The following CBX1 variants were observed in gnomAD, a reference collection of about 807,000 sequenced individuals.
The protein encoded by CBX1 is chromobox protein homolog 1.
Under a neutral mutation model 25.1 loss-of-function variants are expected in CBX1, and 10 were observed. The ratio of observed to expected loss-of-function variants is 0.40; its 90% confidence interval spans 0.25 to 0.68. The LOEUF is 0.68. Ranked by LOEUF, CBX1 falls within the 30% of genes least tolerant of loss-of-function variation. The pLI is 0.40. For missense variants in CBX1, 106 were observed against 218.5 expected, an observed-to-expected ratio of 0.49 and a Z score of 3.25; for synonymous variants, 63 against 79.4, an observed-to-expected ratio of 0.79 and a Z score of 1.10.
Position 48,076,197 on chromosome 17 carries a change from G to A in CBX1, c.141-19C>T, listed in dbSNP as rs2037673206. ...GTCCTCACTGAAACCAGAGGGCACA[G>A]CAAGTCACACTTTCACTCAAATAAG... On this transcript the variant is annotated intron_variant, in intron 2 of 4. Coordinates refer to ENST00000225603, the MANE Select transcript of CBX1 (RefSeq NM_001127228.2). 2 of 1,521,534 alleles carry A rather than the reference G, an allele frequency of 1.3e-6. No homozygotes were observed. The highest frequency in any genetic ancestry group is 1.8e-5 in the Admixed American group (1 of 54,314). The allele number at this position is 1,521,534 out of a possible 1,614,324, so 94.3% of individuals were successfully genotyped here. A position where few individuals can be genotyped will look rare whatever the true frequency, so the allele number is the denominator to read the frequency against.
At chr17:48,077,669 T>C (rs1244903964) in intron 1 of CBX1, among the ~76,000 whole-genome samples, 2 of 152,016 alleles carry the variant, frequency 1.3e-5, no homozygotes. Flanking sequence ...AGGCTCCCAA[T>C]ACTCCTTTTA....
At chr17:48,100,660 C>A in intron 1 of CBX1, 1 of 905,952 alleles carries the variant, frequency 1.1e-6, no homozygotes, top group South Asian at 5.1e-5. Flanking sequence ...ACAGCTCCTC[C>A]CCTTCCAGAG....
chr17:48,087,872 C>CAA lies in CBX1; in HGVS notation c.-37-10833_-37-10832dup, dbSNP rs531431865. 7.2e-3 allele frequency among the ~76,000 whole-genome samples: 637 copies of CAA among 88,988 alleles called. 14 individuals are homozygous for CAA. The highest frequency in any genetic ancestry group is 0.011 in the Middle Eastern group (2 of 174). 58.4% of individuals were successfully genotyped at this position (88,988 alleles called of 152,430 possible). A position where few individuals can be genotyped will look rare whatever the true frequency, so the allele number is the denominator to read the frequency against. ...CTGGCAACAGAGCGAGACTCAGTCT[C>CAA]AAAAAAAAAAAAAAAAAAGAAAACA... On this transcript the variant is annotated intron_variant, in intron 1 of 4. Transcript: ENST00000225603.
chr17:48,082,813 C>T (rs868519246), intron 1 of CBX1, among the ~76,000 whole-genome samples: 9 of 149,164 alleles, frequency 6.0e-5, no homozygotes, highest in South Asian at 2.1e-4. Context: ...GCTGGGATTA[C>T]AGGCGTAAGC....
At chr17:48,078,527 T>C (rs1328341553) in intron 1 of CBX1, among the ~76,000 whole-genome samples, 1 of 151,344 alleles carries the variant, frequency 6.6e-6, no homozygotes, top group African/African-American at 2.4e-5. Flanking sequence ...CTCAACTCTG[T>C]GAGCTGGGCT....
intron 1 of CBX1, among the ~76,000 whole-genome samples, chr17:48,078,414 G>C (rs987387601): frequency 2.6e-5 from 4 of 151,998 alleles, no homozygotes; most frequent in South Asian, 2.1e-4. Context: ...GGATGGTCTC[G>C]ATCTCCTGAC....
chr17:48,099,150 G>A (rs1411950167), intron 1 of CBX1, among the ~76,000 whole-genome samples: 1 of 152,010 alleles, frequency 6.6e-6, no homozygotes, highest in Non-Finnish European at 1.5e-5. Context: ...TGCCCGGGCT[G>A]GAGTGCAGTG....
intron 3 of CBX1, 151 bp from the exon 4 acceptor site, chr17:48,075,251 G>A (rs2037663982): frequency 8.3e-6 from 5 of 599,446 alleles, no homozygotes; most frequent in Non-Finnish European, 1.5e-5. Flanking sequence ...CTGGAGTGCA[G>A]TGGTGCGATC....
chr17:48,082,390 C>T (rs531144365), intron 1 of CBX1, among the ~76,000 whole-genome samples: 8 of 149,598 alleles, frequency 5.3e-5, no homozygotes, highest in African/African-American at 2.0e-4. Flanking sequence ...TAATCCCAGC[C>T]ACTCGGGAGG....
At chr17:48,087,222 C>G (rs956101628) in intron 1 of CBX1, among the ~76,000 whole-genome samples, 1 of 149,412 alleles carries the variant, frequency 6.7e-6, no homozygotes, top group Non-Finnish European at 1.5e-5. Flanking sequence ...CAGAGGAAAG[C>G]GAACTCTGAG....
intron 1 of CBX1, among the ~76,000 whole-genome samples, chr17:48,082,575 C>A (rs1422063198): frequency 6.8e-6 from 1 of 147,002 alleles, no homozygotes; most frequent in Non-Finnish European, 1.5e-5. Context: ...GAGTCTCTGT[C>A]GCCCAGGCTG....
At chr17:48,079,602 C>T (rs1291389435) in intron 1 of CBX1, among the ~76,000 whole-genome samples, 6 of 150,706 alleles carry the variant, frequency 4.0e-5, no homozygotes, top group East Asian at 2.0e-4. Context: ...CAAGTGATCC[C>T]GCTGCCTCAG....
At chr17:48,080,919 CAAAAAAAAAAAAAA>C (rs1176173688) in intron 1 of CBX1, among the ~76,000 whole-genome samples, 5 of 11,550 alleles carry the variant, frequency 4.3e-4, no homozygotes, top group African/African-American at 1.3e-3. Context: ...GACTCCATCT[CAAAAAAAAAAAAAA>C]AAAAAAAAAA....
chr17:48,091,123 G>C (rs560081055), intron 1 of CBX1, among the ~76,000 whole-genome samples: 10 of 152,358 alleles, frequency 6.6e-5, no homozygotes, highest in African/African-American at 2.2e-4. Context: ...TAGTTGGTTT[G>C]AAAGTCCTAA....
chr17:48,077,445 GTTTTTTTTGTT>G (rs1567764384), intron 1 of CBX1, among the ~76,000 whole-genome samples: 695 of 52,422 alleles, frequency 0.013, 4 homozygotes, highest in Non-Finnish European at 0.022. Flanking sequence ...TTTTTTTTTT[GTTTTTTTTGTT>G]TTTTTTTTTT....
chr17:48,089,394 CCT>C (rs1416214202), intron 1 of CBX1, among the ~76,000 whole-genome samples: 1 of 150,486 alleles, frequency 6.6e-6, no homozygotes, highest in Non-Finnish European at 1.5e-5. Context: ...AGCCACCGCG[CCT>C]GGCCAGGCAT....
At chr17:48,079,148 C>G (rs117974417) in intron 1 of CBX1, among the ~76,000 whole-genome samples, 15,339 of 150,412 alleles carry the variant, frequency 0.1, 1,116 homozygotes, top group Non-Finnish European at 0.15. Context: ...TCACTCCAGC[C>G]GGGCTGGAGT....
intron 1 of CBX1, among the ~76,000 whole-genome samples, chr17:48,077,297 C>A (rs2037683728): frequency 6.6e-6 from 1 of 151,350 alleles, no homozygotes; most frequent in Non-Finnish European, 1.5e-5. Flanking sequence ...GCTCTGTTGC[C>A]CAGGCTGGAG....
intron 1 of CBX1, among the ~76,000 whole-genome samples, chr17:48,100,236 T>C (rs1294831087): frequency 6.6e-6 from 1 of 151,200 alleles, no homozygotes; most frequent in Non-Finnish European, 1.5e-5. Context: ...GAAACAAATA[T>C]TACCTCACAA....
Sources: gnomAD v4.1 joint callset for allele counts (sites outside exome capture counted in the v4.1 genomes callset) on GRCh38, gnomAD v4.1.1 for gene constraint, MANE v1.5 for transcripts, NCBI Gene and HGNC (gene_info 2026-07-23, HGNC 2026-07-21) for gene names.